Variants in ARHGAP22 observed in about 807,000 individuals in gnomAD.
ARHGAP22 encodes the protein Rho GTPase activating protein 22.
Under a neutral mutation model 59.1 loss-of-function variants are expected in ARHGAP22, and 48 were observed. The ratio of observed to expected loss-of-function variants is 0.81; its 90% confidence interval spans 0.64 to 1.03. The LOEUF is 1.03. Among genes scored for constraint, ARHGAP22 ranks in the 50% least tolerant of loss-of-function variants. The pLI is 0.00. For synonymous variants in ARHGAP22, 445 were observed against 416.4 expected, an observed-to-expected ratio of 1.07 and a Z score of -0.84; for missense variants, 1,015 against 958.7, an observed-to-expected ratio of 1.06 and a Z score of -0.78.
the ARHGAP22 span, among the ~76,000 whole-genome samples, chr10:48,434,138 C>T: frequency 6.6e-6 from 1 of 152,126 alleles, no homozygotes; most frequent in Non-Finnish European, 1.5e-5. Context: ...CCAGGAAATG[C>T]TTGTTAGGTA....
At chr10:48,432,704 G>T in the ARHGAP22 span, among the ~76,000 whole-genome samples, 1 of 152,132 alleles carries the variant, frequency 6.6e-6, no homozygotes, top group African/African-American at 2.4e-5. Context: ...TTGAGTAAAT[G>T]TAATAATTTC....
intron 1 of ARHGAP22, among the ~76,000 whole-genome samples, chr10:48,602,896 A>G (rs2060467230): frequency 6.6e-6 from 1 of 152,238 alleles, no homozygotes; most frequent in East Asian, 1.9e-4. Flanking sequence ...CTTGAACTAT[A>G]CTATAACTGG....
At chr10:48,562,458 A>G (rs1471613140) in intron 2 of ARHGAP22, among the ~76,000 whole-genome samples, 3 of 152,238 alleles carry the variant, frequency 2.0e-5, no homozygotes, top group Admixed American at 6.5e-5. Flanking sequence ...ACCCAGCAAT[A>G]TGAATGAATG....
chr10:48,498,472 A>AC (rs1177680693), intron 3 of ARHGAP22, among the ~76,000 whole-genome samples: 3 of 152,016 alleles, frequency 2.0e-5, no homozygotes, highest in African/African-American at 4.8e-5. Context: ...AGAGGAAGCC[A>AC]CCCCAACACC....
rs139107478 is a variant in ARHGAP22, at chr10:48,615,702, A to C, written c.53-32550T>G. On this transcript the variant is annotated intron_variant, in intron 1 of 9. Coordinates refer to the ARHGAP22 transcript ENST00000435790. ...CAAAGACTTTAAATCAGCTATTTAAAATATATTTAAAGGTTTAAGGAAACC... is the reference window on the plus strand; with the variant it reads ...CAAAGACTTTAAATCAGCTATTTAACATATATTTAAAGGTTTAAGGAAACC... Among the ~76,000 whole-genome samples, 319 of 152,322 alleles carry C rather than the reference A, an allele frequency of 2.1e-3. 1 individual carries two copies. Among genetic ancestry groups the C allele is most frequent in the African/African-American group, 7.4e-3 (308 of 41,572 alleles).
intron 1 of ARHGAP22, among the ~76,000 whole-genome samples, chr10:48,646,659 C>A (rs943113818): frequency 2.6e-5 from 4 of 152,124 alleles, no homozygotes; most frequent in African/African-American, 9.7e-5. Flanking sequence ...ACAACAACAA[C>A]AACAAAAACC....
At chr10:48,639,057 T>C (rs7909943) in intron 1 of ARHGAP22, among the ~76,000 whole-genome samples, 16,603 of 152,268 alleles carry the variant, frequency 0.11, 2,931 homozygotes, top group African/African-American at 0.37. Flanking sequence ...AAGAACAGAA[T>C]GAGTCTGCTT....
At chr10:48,603,909 C>G (rs1286210547) in intron 1 of ARHGAP22, among the ~76,000 whole-genome samples, 3 of 152,232 alleles carry the variant, frequency 2.0e-5, no homozygotes, top group East Asian at 3.8e-4. Flanking sequence ...TCCAAGCTCC[C>G]AGGCAAATGC....
chr10:48,494,596 C>G lies in ARHGAP22; in HGVS notation c.323-14832G>C, dbSNP rs550629620. Among the ~76,000 whole-genome samples, 5 of 152,336 alleles carry G rather than the reference C, an allele frequency of 3.3e-5. No homozygotes were observed. In the South Asian group the frequency reaches 1.0e-3, roughly 32 times the overall value. ...CTATCCATCTGCTCATTTGTCTACCCATCTATCTATCCATCCATCTGTCCG... is the reference window on the plus strand; with the variant it reads ...CTATCCATCTGCTCATTTGTCTACCGATCTATCTATCCATCCATCTGTCCG... On this transcript the variant is annotated intron_variant, in intron 3 of 9. Coordinates refer to ENST00000249601, the MANE Select transcript of ARHGAP22 (RefSeq NM_021226.4).
chr10:48,490,885 G>A (rs1044539448), intron 3 of ARHGAP22, among the ~76,000 whole-genome samples: 39 of 152,272 alleles, frequency 2.6e-4, no homozygotes, highest in African/African-American at 8.4e-4. Context: ...AGTTGAAACC[G>A]GACACATCCT....
At chr10:48,535,831 T>C (rs546535717) in intron 3 of ARHGAP22, among the ~76,000 whole-genome samples, 1 of 152,290 alleles carries the variant, frequency 6.6e-6, no homozygotes, top group South Asian at 2.1e-4. Flanking sequence ...GTTGTCAGCA[T>C]TGGCTGTGAT....
intron 3 of ARHGAP22, among the ~76,000 whole-genome samples, chr10:48,490,015 A>G (rs1201580092): frequency 1.2e-4 from 18 of 152,082 alleles, no homozygotes; most frequent in Non-Finnish European, 4.4e-5. Flanking sequence ...TTACAGGTGT[A>G]AGCCACCACG....
intron 5 of ARHGAP22, among the ~76,000 whole-genome samples, chr10:48,455,743 A>C (rs2046433817): frequency 6.6e-6 from 1 of 152,236 alleles, no homozygotes; most frequent in Admixed American, 6.5e-5. Flanking sequence ...TCTCCACTGC[A>C]CTTGACTTTG....
chr10:48,508,527 C>G (rs920112327), intron 3 of ARHGAP22, among the ~76,000 whole-genome samples: 3 of 152,238 alleles, frequency 2.0e-5, no homozygotes, highest in Non-Finnish European at 4.4e-5. Flanking sequence ...GGGCCAGGAC[C>G]AGCAAAGTCA....
chr10:48,611,545 T>G (rs1459459565), intron 1 of ARHGAP22, among the ~76,000 whole-genome samples: 1 of 152,070 alleles, frequency 6.6e-6, no homozygotes, highest in Non-Finnish European at 1.5e-5. Context: ...AAGAGTCAGA[T>G]TTTAGGTAAA....
intron 1 of ARHGAP22, among the ~76,000 whole-genome samples, chr10:48,642,073 C>T (rs994864148): frequency 3.3e-4 from 50 of 152,058 alleles, no homozygotes; most frequent in African/African-American, 1.2e-3. Context: ...AATCACTGCT[C>T]AACGAAATAA....
rs114014424 is a variant in ARHGAP22 at position 48,532,321 on chromosome 10, G to C, written c.322+23142C>G. On this transcript the variant is annotated intron_variant, in intron 3 of 9. Coordinates refer to ENST00000249601, the MANE Select transcript of ARHGAP22 (RefSeq NM_021226.4). ...TGGTGAGGGTCTCATCTGGGCCTGCGTCCCTGCCCCCACCCCCTTCTCCCA... is the reference window on the plus strand; with the variant it reads ...TGGTGAGGGTCTCATCTGGGCCTGCCTCCCTGCCCCCACCCCCTTCTCCCA... 9.9e-3 allele frequency among the ~76,000 whole-genome samples: 1,507 copies of C among 152,052 alleles called. 29 individuals are homozygous for C. The highest frequency in any genetic ancestry group is 0.033 in the African/African-American group (1,353 of 41,464).
intron 3 of ARHGAP22, among the ~76,000 whole-genome samples, chr10:48,528,826 C>A (rs1564824274): frequency 6.6e-6 from 1 of 152,090 alleles, no homozygotes; most frequent in African/African-American, 2.4e-5. Flanking sequence ...CTCTCTCTCT[C>A]TGTCTGTTAC....
chr10:48,633,214 C>T (rs573249269), intron 1 of ARHGAP22, among the ~76,000 whole-genome samples: 4 of 152,340 alleles, frequency 2.6e-5, no homozygotes, highest in Admixed American at 2.0e-4. Flanking sequence ...ATTTCCCAGG[C>T]CTGTCCACCT....
Sources: allele counts gnomAD v4.1 joint callset (sites outside exome capture counted in the v4.1 genomes callset), GRCh38; gene constraint gnomAD v4.1.1; transcripts MANE v1.5; gene names NCBI Gene and HGNC (gene_info 2026-07-23, HGNC 2026-07-21).